The following RORB variants were observed in gnomAD, a reference collection of about 807,000 sequenced individuals.
RORB encodes RAR related orphan receptor B.
A neutral mutation model predicts 59.1 loss-of-function variants in RORB; 6 were observed. That is an observed-to-expected ratio of 0.10 (90% CI 0.06 to 0.20). The LOEUF (loss-of-function observed/expected upper bound fraction) is 0.20, where lower values mean the gene tolerates loss of function less well. RORB is among the 10% of genes least tolerant of loss of function. The probability of loss-of-function intolerance (pLI) is 1.00; values close to 1 mark genes in which losing one functional copy is unlikely to be tolerated. For synonymous variants in RORB, 215 were observed against 204.5 expected, an observed-to-expected ratio of 1.05 and a Z score of -0.44; for missense variants, 320 against 560.5, an observed-to-expected ratio of 0.57 and a Z score of 4.33.
intron 1 of RORB, among the ~76,000 whole-genome samples, chr9:74,508,444 T>C (rs1188187771): frequency 6.6e-6 from 1 of 152,052 alleles, no homozygotes; most frequent in Non-Finnish European, 1.5e-5. Flanking sequence ...TGTATCCTTA[T>C]GTTCATTAAT....
intron 1 of RORB, among the ~76,000 whole-genome samples, chr9:74,628,593 C>A (rs1473029041): frequency 1.3e-5 from 2 of 151,734 alleles, no homozygotes; most frequent in Non-Finnish European, 1.5e-5. Context: ...AATGTACTGC[C>A]CTAAAGCTAA....
At chr9:74,599,702 G>T (rs1390202880) in intron 1 of RORB, among the ~76,000 whole-genome samples, 2 of 152,272 alleles carry the variant, frequency 1.3e-5, no homozygotes, top group South Asian at 2.1e-4. Flanking sequence ...GAGGAGTAAG[G>T]TTCAATGACG....
chr9:74,549,607 AGAAAGG>A (rs1826570816), intron 1 of RORB, among the ~76,000 whole-genome samples: 1 of 50,604 alleles, frequency 2.0e-5, no homozygotes, highest in South Asian at 5.6e-4. Flanking sequence ...GAAGGAAGGA[AGAAAGG>A]AAGGAAGGAA....
At chr9:74,665,441 T>C in intron 6 of RORB, 47 bp from the exon 7 acceptor site, 1 of 1,163,412 alleles carries the variant, frequency 8.6e-7, no homozygotes, top group Non-Finnish European at 1.2e-6. Flanking sequence ...TTATTGGATA[T>C]ATATGTGTAT....
Position 74,588,472 on chromosome 9 carries a change from A to G in RORB, c.8-41810A>G, listed in dbSNP as rs182350461. 1.7e-3 allele frequency among the ~76,000 whole-genome samples: 256 copies of G among 152,332 alleles called. 2 individuals carry two copies. Among genetic ancestry groups the G allele is most frequent in the African/African-American group, 5.4e-3 (226 of 41,592 alleles). Reference sequence around the variant, plus strand: ...CAATACCTATGTTTTTAATCTACACATAAAATAATGATTTTAAGAGCCAAA... The same window carrying G: ...CAATACCTATGTTTTTAATCTACACGTAAAATAATGATTTTAAGAGCCAAA... On this transcript the variant is annotated intron_variant, in intron 1 of 9. Coordinates refer to ENST00000376896, the MANE Select transcript of RORB (RefSeq NM_006914.4).
chr9:74,654,319 T>G (rs574557302), intron 4 of RORB, among the ~76,000 whole-genome samples: 1 of 145,472 alleles, frequency 6.9e-6, no homozygotes, highest in Admixed American at 7.1e-5. Context: ...GTAGAAGTCC[T>G]TTACAGTCTC....
intron 1 of RORB, among the ~76,000 whole-genome samples, chr9:74,610,522 A>G (rs576155900): frequency 1.1e-4 from 17 of 152,336 alleles, no homozygotes; most frequent in Admixed American, 6.5e-4. Flanking sequence ...TTCTTCAAAT[A>G]TTCTCTATGC....
chr9:74,502,589 A>G (rs1018451371), intron 1 of RORB, among the ~76,000 whole-genome samples: 6 of 152,104 alleles, frequency 3.9e-5, no homozygotes, highest in African/African-American at 1.2e-4. Context: ...AGTGCATATT[A>G]TAGCATTCAA....
intron 1 of RORB, among the ~76,000 whole-genome samples, chr9:74,539,612 A>G (rs1356678550): frequency 6.6e-6 from 1 of 152,096 alleles, no homozygotes; most frequent in Non-Finnish European, 1.5e-5. Context: ...CGTTTTGTTC[A>G]TTTGTAGTGA....
chr9:74,514,984 C>T (rs979931206), intron 1 of RORB, among the ~76,000 whole-genome samples: 1 of 150,928 alleles, frequency 6.6e-6, no homozygotes, highest in African/African-American at 2.4e-5. Flanking sequence ...AACTTCAACT[C>T]TATATCTTCT....
At chr9:74,575,662 T>C (rs1822624294) in intron 1 of RORB, among the ~76,000 whole-genome samples, 1 of 152,060 alleles carries the variant, frequency 6.6e-6, no homozygotes, top group Non-Finnish European at 1.5e-5. Flanking sequence ...ATCTGACTAC[T>C]AGAGCTCACA....
chr9:74,627,106 G>A (rs1032793766), intron 1 of RORB, among the ~76,000 whole-genome samples: 16 of 149,074 alleles, frequency 1.1e-4, no homozygotes, highest in Non-Finnish European at 1.2e-4. Context: ...AGGTTGCAGT[G>A]AGCTGAGATC....
intron 2 of RORB, among the ~76,000 whole-genome samples, chr9:74,633,904 TA>T (rs1207513325): frequency 1.3e-5 from 2 of 151,958 alleles, no homozygotes; most frequent in Non-Finnish European, 2.9e-5. Flanking sequence ...GGTTGATTAT[TA>T]AAAACAACTT....
intron 4 of RORB, among the ~76,000 whole-genome samples, chr9:74,643,694 T>A (rs1209193183): frequency 1.3e-5 from 2 of 152,238 alleles, no homozygotes; most frequent in African/African-American, 4.8e-5. Context: ...ACAGTGGCGA[T>A]GTGATCCCAG....
At chr9:74,657,819 A>G (rs1425860727) in intron 4 of RORB, among the ~76,000 whole-genome samples, 2 of 152,054 alleles carry the variant, frequency 1.3e-5, no homozygotes, top group African/African-American at 4.8e-5. Flanking sequence ...AGCCTGGCCA[A>G]GGTGAGGAAA....
At chr9:74,540,721 T>A (rs1002927046) in intron 1 of RORB, among the ~76,000 whole-genome samples, 14 of 152,174 alleles carry the variant, frequency 9.2e-5, no homozygotes, top group African/African-American at 3.1e-4. Context: ...TCTCTGTTGA[T>A]CATTTGGGAT....
chr9:74,599,618 A>G (rs1823023765), intron 1 of RORB, among the ~76,000 whole-genome samples: 1 of 152,216 alleles, frequency 6.6e-6, no homozygotes, highest in Non-Finnish European at 1.5e-5. Context: ...AATGTTTACA[A>G]AACTTTTAAA....
rs1824693083 is a variant in RORB, at chr9:74,688,947, G to A, written c.*3329G>A. 1 of 152,184 alleles carries A rather than the reference G, an allele frequency of 6.6e-6. No homozygotes were observed. Among genetic ancestry groups the A allele is most frequent in the African/African-American group, 2.4e-5 (1 of 41,444 alleles). 9.4% of individuals were successfully genotyped at this position (152,184 alleles called of 1,614,324 possible). A position where few individuals can be genotyped will look rare whatever the true frequency, so the allele number is the denominator to read the frequency against. On this transcript the variant is annotated 3_prime_UTR_variant, in exon 10 of 10. Coordinates refer to ENST00000376896, the MANE Select transcript of RORB (RefSeq NM_006914.4). Reference sequence around the variant, plus strand: ...AAAATGGACAAGGGAGGTGAAACCGGGTGAATTCAAACTTCAGTGTATTTG... The same window carrying A: ...AAAATGGACAAGGGAGGTGAAACCGAGTGAATTCAAACTTCAGTGTATTTG...
chr9:74,600,889 G>A (rs779381460), intron 1 of RORB, among the ~76,000 whole-genome samples: 1 of 151,996 alleles, frequency 6.6e-6, no homozygotes, highest in Non-Finnish European at 1.5e-5. Context: ...TTATAATTCT[G>A]TTAGACTAAT....
Sources: gnomAD v4.1 joint callset for allele counts (sites outside exome capture counted in the v4.1 genomes callset) on GRCh38, gnomAD v4.1.1 for gene constraint, MANE v1.5 for transcripts, NCBI Gene and HGNC (gene_info 2026-07-23, HGNC 2026-07-21) for gene names.